Variants in FYN observed in about 807,000 individuals in gnomAD.
FYN encodes the protein FYN proto-oncogene, Src family tyrosine kinase.
In FYN, 10 loss-of-function variants were observed where a neutral mutation model predicts 70.2. The ratio of observed to expected loss-of-function variants is 0.14; its 90% CI spans 0.09 to 0.24. FYN has a LOEUF of 0.24. Ranked by LOEUF, FYN falls within the 10% of genes least tolerant of loss-of-function variation. The pLI is 1.00. For synonymous variants in FYN, 236 were observed against 248.6 expected (o/e 0.95, Z 0.48); for missense variants, 319 against 673.1 (o/e 0.47, Z 5.82).
Position 111,846,823 on chromosome 6 carries a change from C to T in FYN, c.-122-194G>A, listed in dbSNP as rs957549408. Among the ~76,000 whole-genome samples, 30 of 152,316 alleles carry T rather than the reference C, an allele frequency of 2.0e-4. 1 individual carries two copies. Among genetic ancestry groups the T allele is most frequent in the South Asian group, 2.1e-4 (1 of 4,824 alleles). ...AACACCTGTCTGAAACTGCAAAGACCTGGCCTTGTACCACCAAAGGAAGCC... is the reference window on the plus strand; with the variant it reads ...AACACCTGTCTGAAACTGCAAAGACTTGGCCTTGTACCACCAAAGGAAGCC... On this transcript the variant is annotated intron_variant, in intron 1 of 13. Transcript: ENST00000354650.
At chr6:111,799,947 AG>A (rs1771931818) in intron 2 of FYN, among the ~76,000 whole-genome samples, 1 of 152,186 alleles carries the variant, frequency 6.6e-6, no homozygotes, top group Non-Finnish European at 1.5e-5. Context: ...CTTCCCACCC[AG>A]GTAGGGCAGT....
At chr6:111,704,220 C>T in intron 6 of FYN, 118 bp from the exon 7 acceptor site, 1 of 709,524 alleles carries the variant, frequency 1.4e-6, no homozygotes, top group African/African-American at 1.8e-5. Flanking sequence ...CTTAACCTTT[C>T]CCTGGATGTA....
intron 3 of FYN, among the ~76,000 whole-genome samples, chr6:111,730,496 C>A (rs1015260049): frequency 1.3e-5 from 2 of 152,176 alleles, no homozygotes; most frequent in Non-Finnish European, 2.9e-5. Context: ...GTCATGAAGA[C>A]CACGCATGGG....
At chr6:111,845,657 T>G (rs555953213) in intron 2 of FYN, among the ~76,000 whole-genome samples, 1 of 152,118 alleles carries the variant, frequency 6.6e-6, no homozygotes, top group African/African-American at 2.4e-5. Context: ...TAACCCCAAG[T>G]CATTCTCAGA....
intron 12 of FYN, among the ~76,000 whole-genome samples, chr6:111,675,121 A>G (rs1798474704): frequency 6.6e-6 from 1 of 152,112 alleles, no homozygotes; most frequent in Admixed American, 6.5e-5. Flanking sequence ...CCACACCCAC[A>G]GCAGGGAAAG....
At chr6:111,691,691 A>G (rs1047616121) in intron 12 of FYN, among the ~76,000 whole-genome samples, 3 of 152,136 alleles carry the variant, frequency 2.0e-5, no homozygotes, top group African/African-American at 7.2e-5. Flanking sequence ...GGTCTCTCCA[A>G]CTCCCTCATA....
intron 2 of FYN, among the ~76,000 whole-genome samples, chr6:111,796,400 T>A (rs1771805789): frequency 6.6e-6 from 1 of 152,222 alleles, no homozygotes; most frequent in Non-Finnish European, 1.5e-5. Flanking sequence ...TACAATAACA[T>A]GCTGTTCAGG....
At chr6:111,732,411 C>T (rs958226736) in intron 3 of FYN, among the ~76,000 whole-genome samples, 2 of 152,176 alleles carry the variant, frequency 1.3e-5, no homozygotes, top group African/African-American at 4.8e-5. Context: ...GGCAGGGTTG[C>T]CCTGGGTCTA....
At chr6:111,826,744 GCTTA>G (rs1190839355) in intron 2 of FYN, among the ~76,000 whole-genome samples, 2 of 152,104 alleles carry the variant, frequency 1.3e-5, no homozygotes, top group Non-Finnish European at 2.9e-5. Flanking sequence ...AATATTTACT[GCTTA>G]CTGTCTCATC....
At chr6:111,781,240 G>C (rs545160962) in intron 2 of FYN, among the ~76,000 whole-genome samples, 2 of 152,082 alleles carry the variant, frequency 1.3e-5, no homozygotes, top group African/African-American at 4.8e-5. Flanking sequence ...CCAGTCCCTC[G>C]GGCCTGTAAA....
At chr6:111,763,622 T>C (rs1562510845) in intron 3 of FYN, among the ~76,000 whole-genome samples, 1 of 152,262 alleles carries the variant, frequency 6.6e-6, no homozygotes, top group South Asian at 2.1e-4. Context: ...AATATCCATA[T>C]ACTTACCACC....
intron 13 of FYN, among the ~76,000 whole-genome samples, chr6:111,672,639 G>A (rs1197825249): frequency 2.0e-5 from 3 of 152,308 alleles, no homozygotes; most frequent in South Asian, 2.1e-4. Flanking sequence ...CTATCTGACT[G>A]TAATATCCAT....
intron 1 of FYN, among the ~76,000 whole-genome samples, chr6:111,852,315 AGAGAGCTGCAG>A (rs1388660258): frequency 6.6e-6 from 1 of 152,234 alleles, no homozygotes; most frequent in Non-Finnish European, 1.5e-5. Flanking sequence ...AAACAAAAGA[AGAGAGCTGCAG>A]TAGACTTAGA....
chr6:111,674,918 T>C (rs113168746), intron 12 of FYN, among the ~76,000 whole-genome samples: 3,518 of 152,268 alleles, frequency 0.023, 53 homozygotes, highest in Non-Finnish European at 0.037. Context: ...AACTTTGAAA[T>C]AATGCTATGT....
chr6:111,843,901 C>T (rs1181148474), intron 2 of FYN, among the ~76,000 whole-genome samples: 1 of 152,040 alleles, frequency 6.6e-6, no homozygotes, highest in Admixed American at 6.6e-5. Flanking sequence ...AGGGGAGTGT[C>T]AAGGAAGAGC....
intron 3 of FYN, among the ~76,000 whole-genome samples, chr6:111,765,316 A>G (rs1803187446): frequency 6.6e-6 from 1 of 152,162 alleles, no homozygotes; most frequent in Non-Finnish European, 1.5e-5. Flanking sequence ...AATAAGTTCA[A>G]AGAGGTAGGG....
chr6:111,717,661 G>T (rs1206424859), intron 4 of FYN, among the ~76,000 whole-genome samples: 1 of 151,940 alleles, frequency 6.6e-6, no homozygotes, highest in Non-Finnish European at 1.5e-5. Flanking sequence ...ACGGGGTTTC[G>T]CCATGTTGGC....
intron 3 of FYN, among the ~76,000 whole-genome samples, chr6:111,735,470 T>C (rs898219896): frequency 2.6e-5 from 4 of 152,034 alleles, no homozygotes; most frequent in African/African-American, 9.7e-5. Context: ...TGAAGGGAGG[T>C]AAAGTTATTT....
chr6:111,735,924 C>T (rs1465205142), intron 3 of FYN, among the ~76,000 whole-genome samples: 1 of 152,132 alleles, frequency 6.6e-6, no homozygotes, highest in Non-Finnish European at 1.5e-5. Context: ...TATCTGAGAG[C>T]CCTGGCACAC....
Sources: gnomAD v4.1 joint callset for allele counts (sites outside exome capture counted in the v4.1 genomes callset) on GRCh38, gnomAD v4.1.1 for gene constraint, MANE v1.5 for transcripts, NCBI Gene and HGNC (gene_info 2026-07-23, HGNC 2026-07-21) for gene names.